Variants in RASA1 observed in about 807,000 individuals in gnomAD.
RASA1 encodes the protein ras GTPase-activating protein 1.
A neutral mutation model predicts 132.2 loss-of-function variants in RASA1; 25 were observed. The ratio of observed to expected loss-of-function variants is 0.19; its 90% CI spans 0.14 to 0.26. RASA1 has a LOEUF of 0.26. Ranked by LOEUF, RASA1 falls within the 10% of genes least tolerant of loss-of-function variation. The pLI is 1.00. For synonymous variants in RASA1, 477 were observed against 449.9 expected (o/e 1.06, Z -0.76); for missense variants, 964 against 1,299.2 (o/e 0.74, Z 3.97).
At chr5:87,317,780 C>T (rs374708703) in intron 1 of RASA1, among the ~76,000 whole-genome samples, 12 of 151,896 alleles carry the variant, frequency 7.9e-5, no homozygotes, top group African/African-American at 1.7e-4. Flanking sequence ...TGATTACAGG[C>T]GCATACCACC....
chr5:87,296,054 T>G (rs1755105088), intron 1 of RASA1, among the ~76,000 whole-genome samples: 1 of 151,492 alleles, frequency 6.6e-6, no homozygotes, highest in Non-Finnish European at 1.5e-5. Flanking sequence ...TGACCTCGAG[T>G]GATCTGCCTG....
intron 8 of RASA1, among the ~76,000 whole-genome samples, chr5:87,350,790 T>C (rs565743878): frequency 6.6e-6 from 1 of 151,872 alleles, no homozygotes; most frequent in Admixed American, 6.6e-5. Flanking sequence ...ATTTTTATAA[T>C]TTTTCTTCCC....
At chr5:87,302,706 G>A (rs1755427255) in intron 1 of RASA1, among the ~76,000 whole-genome samples, 1 of 149,914 alleles carries the variant, frequency 6.7e-6, no homozygotes, top group Non-Finnish European at 1.5e-5. Context: ...AAGAACCCCA[G>A]AATATTATCA....
chr5:87,346,549 T>A, intron 6 of RASA1, 123 bp from the exon 7 acceptor site: 1 of 550,302 alleles, frequency 1.8e-6, no homozygotes, highest in East Asian at 3.1e-5. Context: ...AATGAGATGA[T>A]TTGATTAATT....
intron 8 of RASA1, among the ~76,000 whole-genome samples, chr5:87,349,754 T>C (rs1289420825): frequency 6.6e-6 from 1 of 151,962 alleles, no homozygotes; most frequent in Non-Finnish European, 1.5e-5. Flanking sequence ...TGAGACTTAT[T>C]ATACAGATGT....
chr5:87,353,297 A>G, intron 9 of RASA1, 62 bp downstream of exon 9: 1 of 1,305,924 alleles, frequency 7.7e-7, no homozygotes, highest in Non-Finnish European at 1.1e-6. Flanking sequence ...TTTTGGTGGT[A>G]TGTTTTTGCA....
intron 1 of RASA1, among the ~76,000 whole-genome samples, chr5:87,298,870 C>G (rs772698580): frequency 6.6e-6 from 1 of 152,136 alleles, no homozygotes; most frequent in Non-Finnish European, 1.5e-5. Context: ...ATAAGCATGG[C>G]ATAACACTTC....
intron 7 of RASA1, among the ~76,000 whole-genome samples, chr5:87,347,015 T>C (rs1400148938): frequency 6.6e-6 from 1 of 152,056 alleles, no homozygotes; most frequent in Non-Finnish European, 1.5e-5. Context: ...TCTGTGTCTC[T>C]GTGAATCTTT....
At chr5:87,306,274 A>G (rs186504967) in intron 1 of RASA1, among the ~76,000 whole-genome samples, 19 of 152,352 alleles carry the variant, frequency 1.2e-4, no homozygotes, top group African/African-American at 4.1e-4. Flanking sequence ...ATACCATGGA[A>G]TACTATGCAG....
chr5:87,291,304 A>AG (rs1327033428), intron 1 of RASA1, among the ~76,000 whole-genome samples: 10 of 152,166 alleles, frequency 6.6e-5, no homozygotes, highest in African/African-American at 2.4e-4. Flanking sequence ...CTGAGGTGGG[A>AG]GGATTGCTTG....
At chr5:87,377,758 C>T (rs1761422973) in intron 17 of RASA1, among the ~76,000 whole-genome samples, 2 of 152,134 alleles carry the variant, frequency 1.3e-5, no homozygotes, top group South Asian at 4.1e-4. Context: ...CTCCCCCTGG[C>T]CCACACACAC....
At chr5:87,388,384 G>A (rs912947317) in intron 23 of RASA1, among the ~76,000 whole-genome samples, 2 of 152,084 alleles carry the variant, frequency 1.3e-5, no homozygotes, top group African/African-American at 4.8e-5. Context: ...ATTTAGTGTC[G>A]ATAATAAAGT....
intron 1 of RASA1, among the ~76,000 whole-genome samples, chr5:87,313,384 A>G (rs1756067447): frequency 6.6e-6 from 1 of 152,198 alleles, no homozygotes; most frequent in Admixed American, 6.5e-5. Flanking sequence ...GGGCTTTACC[A>G]AGAAAAAGAG....
chr5:87,390,466 A>C (rs1162595621), intron 24 of RASA1, among the ~76,000 whole-genome samples: 1 of 150,576 alleles, frequency 6.6e-6, no homozygotes, highest in Admixed American at 6.7e-5. Flanking sequence ...ATATGACTTG[A>C]CTTGCCTTAG....
chr5:87,315,795 C>G (rs1756285853), intron 1 of RASA1, among the ~76,000 whole-genome samples: 1 of 152,068 alleles, frequency 6.6e-6, no homozygotes, highest in Non-Finnish European at 1.5e-5. Context: ...TTAAATACTT[C>G]CTAGGAATTA....
intron 12 of RASA1, 127 bp from the exon 13 acceptor site, chr5:87,371,991 T>C: frequency 1.5e-6 from 1 of 671,126 alleles, no homozygotes; most frequent in Non-Finnish European, 2.6e-6. Context: ...TACAGTATAG[T>C]CTGAGAATAG....
chr5:87,378,266 C>A, intron 17 of RASA1, 130 bp from the exon 18 acceptor site: 1 of 1,029,246 alleles, frequency 9.7e-7, no homozygotes, highest in Non-Finnish European at 1.5e-6. Flanking sequence ...TTAGTACTTT[C>A]AACGCTGCAC....
chr5:87,372,055 CTG>C, intron 12 of RASA1, 61 bp from the exon 13 acceptor site: 3 of 1,350,726 alleles, frequency 2.2e-6, no homozygotes, highest in Non-Finnish European at 3.1e-6. Context: ...AAAAACCTAA[CTG>C]ATGATTTGGA....
intron 9 of RASA1, among the ~76,000 whole-genome samples, chr5:87,359,019 A>G (rs1219528864): frequency 1.3e-5 from 2 of 152,160 alleles, no homozygotes; most frequent in South Asian, 2.1e-4. Context: ...ACCTTCTAAC[A>G]TGTAGTACAA....
Sources: gnomAD v4.1 joint callset for allele counts (sites outside exome capture counted in the v4.1 genomes callset) on GRCh38, gnomAD v4.1.1 for gene constraint, MANE v1.5 for transcripts, NCBI Gene and HGNC (gene_info 2026-07-23, HGNC 2026-07-21) for gene names.